The following GPR39 variants were observed in gnomAD, a reference collection of about 807,000 sequenced individuals.
The protein encoded by GPR39 is G protein-coupled receptor 39, also known as zinc sensing receptor.
GPR39 carries 23 observed loss-of-function variants against 18.4 expected under a neutral mutation model. That is an observed-to-expected ratio of 1.25 (90% CI 0.90 to 1.77). GPR39 has a LOEUF of 1.77. GPR39 is among the 40% of genes most tolerant of loss of function. The probability of loss-of-function intolerance (pLI) is 0.00; values close to 1 mark genes in which losing one functional copy is unlikely to be tolerated. For synonymous variants in GPR39, 280 were observed against 257.9 expected (o/e 1.09, Z -0.82); for missense variants, 647 against 602.4 (o/e 1.07, Z -0.78).
chr2:132,416,875 T>TAGGTGC lies in GPR39; in HGVS notation c.-168_-167insAGGTGC. On this transcript the variant is annotated 5_prime_UTR_variant, in exon 1 of 2. Coordinates refer to ENST00000329321, the MANE Select transcript of GPR39 (RefSeq NM_001508.3). ...CCTAGGTTGGGCTGCTCCAGCAAGT[T>TAGGTGC]TCCATGAAAGCACCTGAAATACTAA... The TAGGTGC allele has an allele frequency of 2.2e-6, 2 of 916,250 alleles. No individual in the cohort carries two copies. Among genetic ancestry groups the TAGGTGC allele is most frequent in the Non-Finnish European group, 3.2e-6 (2 of 620,352 alleles). 56.8% of individuals were successfully genotyped at this position (916,250 alleles called of 1,614,324 possible).
At chr2:132,532,209 A>G (rs1251608432) in intron 1 of GPR39, among the ~76,000 whole-genome samples, 1 of 152,252 alleles carries the variant, frequency 6.6e-6, no homozygotes, top group Non-Finnish European at 1.5e-5. Context: ...AGAGAATACT[A>G]TAAACAGCTC....
intron 1 of GPR39, among the ~76,000 whole-genome samples, chr2:132,575,222 C>T (rs1293360469): frequency 6.6e-6 from 1 of 152,196 alleles, no homozygotes; most frequent in African/African-American, 2.4e-5. Flanking sequence ...AAGGACTTTA[C>T]AGTCAGATCT....
At chr2:132,438,334 A>C (rs1680369500) in intron 1 of GPR39, among the ~76,000 whole-genome samples, 2 of 152,112 alleles carry the variant, frequency 1.3e-5, no homozygotes, top group Non-Finnish European at 2.9e-5. Flanking sequence ...AGATCTTGCT[A>C]TGTTGCCCAG....
intron 1 of GPR39, among the ~76,000 whole-genome samples, chr2:132,592,937 C>T (rs1680872236): frequency 6.6e-6 from 1 of 152,216 alleles, no homozygotes; most frequent in Non-Finnish European, 1.5e-5. Context: ...GCCACCTTCA[C>T]TTCTAACCAG....
At chr2:132,594,338 T>A (rs1680899769) in intron 1 of GPR39, among the ~76,000 whole-genome samples, 1 of 151,822 alleles carries the variant, frequency 6.6e-6, no homozygotes, top group Non-Finnish European at 1.5e-5. Context: ...GTCTAAAGAG[T>A]CTTGTATGCT....
At chr2:132,479,034 A>G (rs1385755291) in intron 1 of GPR39, among the ~76,000 whole-genome samples, 11 of 152,054 alleles carry the variant, frequency 7.2e-5, no homozygotes, top group Admixed American at 7.2e-4. Context: ...TTCTTTCCCC[A>G]CTTCTCCCCC....
intron 1 of GPR39, among the ~76,000 whole-genome samples, chr2:132,536,523 A>G (rs1042235131): frequency 6.6e-6 from 1 of 152,034 alleles, no homozygotes; most frequent in Non-Finnish European, 1.5e-5. Flanking sequence ...GCCATGTGCC[A>G]CTGAGAAGAA....
At chr2:132,549,215 T>C (rs1679998676) in intron 1 of GPR39, among the ~76,000 whole-genome samples, 1 of 152,152 alleles carries the variant, frequency 6.6e-6, no homozygotes, top group African/African-American at 2.4e-5. Flanking sequence ...TGTGTACTTG[T>C]GAGACTATCA....
chr2:132,570,517 A>C (rs1223750714), intron 1 of GPR39, among the ~76,000 whole-genome samples: 8 of 152,240 alleles, frequency 5.3e-5, no homozygotes, highest in Non-Finnish European at 1.5e-5. Flanking sequence ...TTTTGCCCCA[A>C]AACCTCCAGT....
chr2:132,481,187 TCTTTA>T (rs1484171111), intron 1 of GPR39, among the ~76,000 whole-genome samples: 2 of 152,218 alleles, frequency 1.3e-5, no homozygotes, highest in Admixed American at 6.5e-5. Context: ...TGAGCTTATT[TCTTTA>T]CTTTAGGCAT....
chr2:132,586,500 G>A (rs1680735258), intron 1 of GPR39, among the ~76,000 whole-genome samples: 1 of 152,134 alleles, frequency 6.6e-6, no homozygotes, highest in Admixed American at 6.5e-5. Context: ...TGTCCCTGAG[G>A]ATGTACCCAA....
chr2:132,517,074 ACT>A (rs1309507019), intron 1 of GPR39, among the ~76,000 whole-genome samples: 1 of 151,946 alleles, frequency 6.6e-6, no homozygotes, highest in African/African-American at 2.4e-5. Context: ...AAAAGCGGAC[ACT>A]CTTCAGGTTT....
intron 1 of GPR39, among the ~76,000 whole-genome samples, chr2:132,455,574 G>T (rs1219981929): frequency 3.3e-5 from 5 of 152,088 alleles, no homozygotes; most frequent in South Asian, 4.1e-4. Flanking sequence ...TGTGATGTTA[G>T]GGTGTCAATT....
At chr2:132,463,112 CA>C (rs1680863348) in intron 1 of GPR39, among the ~76,000 whole-genome samples, 1 of 152,202 alleles carries the variant, frequency 6.6e-6, no homozygotes, top group Non-Finnish European at 1.5e-5. Context: ...CAGAATCCAT[CA>C]GACAATGAAA....
chr2:132,508,644 C>G (rs1465687491), intron 1 of GPR39, among the ~76,000 whole-genome samples: 1 of 152,176 alleles, frequency 6.6e-6, no homozygotes, highest in Non-Finnish European at 1.5e-5. Flanking sequence ...GTTAAGTGTA[C>G]TAAAAACCAT....
At chr2:132,591,395 T>C (rs1422118093) in intron 1 of GPR39, among the ~76,000 whole-genome samples, 2 of 152,158 alleles carry the variant, frequency 1.3e-5, no homozygotes, top group Non-Finnish European at 2.9e-5. Flanking sequence ...CTTCAGTTTT[T>C]GGTCTCCTGG....
chr2:132,522,100 C>T (rs1007728355), intron 1 of GPR39, among the ~76,000 whole-genome samples: 15 of 152,158 alleles, frequency 9.9e-5, no homozygotes, highest in Non-Finnish European at 1.5e-4. Context: ...CCTGTGGCCC[C>T]GCCGGCTGGG....
chr2:132,439,642 A>T (rs1680398486), intron 1 of GPR39, among the ~76,000 whole-genome samples: 1 of 152,194 alleles, frequency 6.6e-6, no homozygotes, highest in Admixed American at 6.5e-5. Flanking sequence ...GCTTCAGATG[A>T]TTCTGTGGAG....
intron 1 of GPR39, among the ~76,000 whole-genome samples, chr2:132,600,697 A>C (rs1432374497): frequency 1.3e-5 from 2 of 152,178 alleles, no homozygotes; most frequent in Non-Finnish European, 2.9e-5. Flanking sequence ...AATGAGTAAC[A>C]AGATTGACTC....
Sources: gnomAD v4.1 joint callset for allele counts (sites outside exome capture counted in the v4.1 genomes callset) on GRCh38, gnomAD v4.1.1 for gene constraint, MANE v1.5 for transcripts, NCBI Gene and HGNC (gene_info 2026-07-23, HGNC 2026-07-21) for gene names.